CIAPIN1: variants seen among roughly 807,000 people sequenced by gnomAD.
CIAPIN1 encodes the protein cytokine induced apoptosis inhibitor 1.
A neutral mutation model predicts 34.3 loss-of-function variants in CIAPIN1; 18 were observed. The observed-to-expected ratio is 0.52, with a 90% confidence interval of 0.36 to 0.78. CIAPIN1 has a LOEUF of 0.78. CIAPIN1 is among the 30% of genes least tolerant of loss of function. CIAPIN1 has a pLI of 0.00. For synonymous variants in CIAPIN1, 131 were observed against 140.4 expected (o/e 0.93, Z 0.47); for missense variants, 310 against 372.5 (o/e 0.83, Z 1.38).
chr16:57,442,024 G>A (rs953185341), intron 1 of CIAPIN1, among the ~76,000 whole-genome samples: 4 of 152,168 alleles, frequency 2.6e-5, no homozygotes, highest in East Asian at 1.9e-4. Flanking sequence ...GAATTCAAGC[G>A]AAGTCACTAC....
chr16:57,434,254 G>C, intron 4 of CIAPIN1, 42 bp from the exon 5 acceptor site: 1 of 1,602,164 alleles, frequency 6.2e-7, no homozygotes, highest in Non-Finnish European at 8.5e-7. Flanking sequence ...ACCCTCCTCT[G>C]TAAAATGGTT....
At position 57,438,464 on chromosome 16, in the gene CIAPIN1, G is replaced by A. The variant is rs7189121; in HGVS notation, c.310+718C>T. On this transcript the variant is annotated intron_variant, in intron 3 of 8. Transcript: ENST00000394391. Reference sequence around the variant, plus strand: ...TGTATATTAAGGAGGTCTTCACTTCGTCCCTCCCCACAGTTAACATCTTAC... The same window carrying A: ...TGTATATTAAGGAGGTCTTCACTTCATCCCTCCCCACAGTTAACATCTTAC... 8.9e-3 allele frequency among the ~76,000 whole-genome samples: 1,362 copies of A among 152,220 alleles called. 19 individuals are homozygous for A. The highest frequency in any genetic ancestry group is 0.031 in the African/African-American group (1,284 of 41,536).
intron 4 of CIAPIN1, among the ~76,000 whole-genome samples, chr16:57,435,547 C>G (rs1232111630): frequency 6.6e-6 from 1 of 152,202 alleles, no homozygotes; most frequent in Non-Finnish European, 1.5e-5. Context: ...AATACCAGCA[C>G]TTTGGAAGGC....
In CIAPIN1 at chr16:57,440,143, C is replaced by A. The variant is rs8056463; in HGVS notation, c.157+629G>T. Among the ~76,000 whole-genome samples the A allele has an allele frequency of 3.1e-3, 470 of 152,182 alleles. 2 individuals are homozygous for A. The highest frequency in any genetic ancestry group is 0.011 in the African/African-American group (442 of 41,508). Reference sequence around the variant, plus strand: ...CTGGGATGTCTGTCTTATATGGTTGCAGATAAGGGATGAAATAAGCCCTGG... The same window carrying A: ...CTGGGATGTCTGTCTTATATGGTTGAAGATAAGGGATGAAATAAGCCCTGG... On this transcript the variant is annotated intron_variant, in intron 2 of 8. Coordinates refer to ENST00000394391, the MANE Select transcript of CIAPIN1 (RefSeq NM_020313.4).
intron 2 of CIAPIN1, 94 bp from the exon 3 acceptor site, chr16:57,439,428 T>C: frequency 1.5e-6 from 2 of 1,305,390 alleles, no homozygotes; most frequent in East Asian, 2.3e-5. Context: ...GACCTCACCC[T>C]GAGAGAATGG....
intron 1 of CIAPIN1, among the ~76,000 whole-genome samples, chr16:57,443,349 G>A (rs2029924389): frequency 6.6e-6 from 1 of 152,082 alleles, no homozygotes; most frequent in Admixed American, 6.5e-5. Context: ...ATGTTGGTCA[G>A]GCTGGTCTTG....
Position 57,429,797 on chromosome 16 carries a change from T to TG in CIAPIN1, c.828+460_828+461insC, listed in dbSNP as rs1903045186. 4.0e-5 allele frequency among the ~76,000 whole-genome samples: 6 copies of TG among 150,682 alleles called. No homozygotes were observed. In the South Asian group the frequency reaches 1.3e-3, roughly 32 times the overall value. Reference sequence around the variant, plus strand: ...GTGAGCCACCGCACCCGGCCTTTTTTTTTTTTTGAGATGGAGTCTCCCTCT... The same window carrying TG: ...GTGAGCCACCGCACCCGGCCTTTTTTGTTTTTTTGAGATGGAGTCTCCCTCT... On this transcript the variant is annotated intron_variant, in intron 8 of 8. Coordinates refer to ENST00000394391, the MANE Select transcript of CIAPIN1 (RefSeq NM_020313.4).
intron 1 of CIAPIN1, among the ~76,000 whole-genome samples, chr16:57,444,268 GATAAAAACCTC>G (rs1308266717): frequency 6.6e-6 from 1 of 152,156 alleles, no homozygotes; most frequent in Non-Finnish European, 1.5e-5. Context: ...GTAAAGTAGG[GATAAAAACCTC>G]ATATTTTGCG....
At chr16:57,445,834 G>GTTTTTTTTTTTTTT (rs751037117) in intron 1 of CIAPIN1, among the ~76,000 whole-genome samples, 1 of 70,450 alleles carries the variant, frequency 1.4e-5, no homozygotes, top group Non-Finnish European at 2.5e-5. Context: ...GACCTTAGAG[G>GTTTTTTTTTTTTTT]TTTTTTTTTT....
chr16:57,431,420 C>T, intron 6 of CIAPIN1, 154 bp from the exon 7 acceptor site: 2 of 536,440 alleles, frequency 3.7e-6, no homozygotes, highest in Non-Finnish European at 6.7e-6. Context: ...TCAACCTGAC[C>T]ACATGCTCAA....
intron 7 of CIAPIN1, 89 bp from the exon 8 acceptor site, chr16:57,430,428 T>C: frequency 8.3e-7 from 1 of 1,197,822 alleles, no homozygotes; most frequent in Non-Finnish European, 1.2e-6. Context: ...TTTAAGCCTT[T>C]TCTCTTCACA....
chr16:57,429,000 A>G lies in CIAPIN1; in HGVS notation c.*170T>C. On this transcript the variant is annotated 3_prime_UTR_variant, in exon 9 of 9. Coordinates refer to ENST00000394391, the MANE Select transcript of CIAPIN1 (RefSeq NM_020313.4). ...CCTTGGTCTTTTGATACACAGCAGC[A>G]CTACACACCACTGTGCCCCCCAGCC... The G allele has an allele frequency of 3.4e-6, 2 of 596,394 alleles. No homozygotes were observed. The highest frequency in any genetic ancestry group is 4.0e-5 in the South Asian group (2 of 49,616). The allele number at this position is 596,394 out of a possible 1,614,324, so 36.9% of individuals were successfully genotyped here. A position where few individuals can be genotyped will look rare whatever the true frequency, so the allele number is the denominator to read the frequency against.
In CIAPIN1 at chr16:57,440,806, G is replaced by A. The variant is rs573954230; in HGVS notation, c.123C>T (p.Arg41=). The part of the protein sequence containing the change: ...KLQALTGNEG[R]VSVENIKQLL... ...GCTGCTTGATGTTTTCCACAGACAC[G>A]CGGCCCTCATTGCCGGTTAACGCTT... The change falls in exon 2 of 9, where the codon CGC becomes CGT. Residue 41 remains arginine, a synonymous_variant. Transcript: ENST00000394391. 2.4e-5 allele frequency: 39 copies of A among 1,613,758 alleles called. No individual in the cohort carries two copies. In the South Asian group the frequency reaches 2.5e-4, roughly 10 times the overall value.
Position 57,440,986 on chromosome 16 carries a change from G to A in CIAPIN1, c.-55-3C>T. On this transcript the variant is annotated splice_polypyrimidine_tract_variant and splice_region_variant and intron_variant, in intron 1 of 8. Coordinates refer to ENST00000394391, the MANE Select transcript of CIAPIN1 (RefSeq NM_020313.4). ...TGCTGGCCAAAAGGGAATCAAGACT[G>A]GGCAGAGACAAAGTGCAATTTAATC... The A allele has an allele frequency of 6.5e-7, 1 of 1,549,054 alleles. No homozygotes were observed. Among genetic ancestry groups the A allele is most frequent in the Non-Finnish European group, 8.7e-7 (1 of 1,143,656 alleles).
In CIAPIN1 at chr16:57,434,230, A is replaced by G. The variant is rs751063583; in HGVS notation, c.388-18T>C. ...CGCTGCAGCTAGAATTCAAGACATC[A>G]AAAGGATTAGTTCACCCTCCTCTGT... On this transcript the variant is annotated intron_variant, in intron 4 of 8. Coordinates refer to ENST00000394391, the MANE Select transcript of CIAPIN1 (RefSeq NM_020313.4). The G allele has an allele frequency of 1.0e-4, 165 of 1,613,036 alleles. No individual in the cohort carries two copies. Among genetic ancestry groups the G allele is most frequent in the Non-Finnish European group, 1.3e-4 (154 of 1,179,412 alleles).
At chr16:57,430,227 G>A in intron 8 of CIAPIN1, 31 bp downstream of exon 8, 1 of 1,593,346 alleles carries the variant, frequency 6.3e-7, no homozygotes, top group Non-Finnish European at 8.6e-7. Context: ...CTGGGGGTTT[G>A]TGAATGCTGA....
chr16:57,438,975 T>G, intron 3 of CIAPIN1, among the ~76,000 whole-genome samples: 1 of 152,218 alleles, frequency 6.6e-6, no homozygotes, highest in East Asian at 1.9e-4. Context: ...GCAGTTTCCT[T>G]CTATTTTATT....
chr16:57,445,370 G>A (rs1357220380), intron 1 of CIAPIN1, among the ~76,000 whole-genome samples: 2 of 152,098 alleles, frequency 1.3e-5, no homozygotes, highest in African/African-American at 4.8e-5. Flanking sequence ...AGCTGGGCAT[G>A]GTGGCGTGCA....
intron 6 of CIAPIN1, 106 bp from the exon 7 acceptor site, chr16:57,431,372 G>T: frequency 1.5e-6 from 1 of 686,286 alleles, no homozygotes; most frequent in South Asian, 1.9e-5. Context: ...GGGTAAAGAA[G>T]GTGTCCACCC....
Sources: gnomAD v4.1 joint callset for allele counts (sites outside exome capture counted in the v4.1 genomes callset) on GRCh38, gnomAD v4.1.1 for gene constraint, MANE v1.5 for transcripts, NCBI Gene and HGNC (gene_info 2026-07-23, HGNC 2026-07-21) for gene names.